LRRC1: variants seen among roughly 807,000 people sequenced by gnomAD.
LRRC1 encodes leucine rich repeat containing 1.
LRRC1 carries 28 observed loss-of-function variants against 69.9 expected under a neutral mutation model. The ratio of observed to expected loss-of-function variants is 0.40; its 90% CI spans 0.30 to 0.55. The LOEUF (loss-of-function observed/expected upper bound fraction) is 0.55, where lower values mean the gene tolerates loss of function less well. Among genes scored for constraint, LRRC1 ranks in the 20% least tolerant of loss-of-function variants. The pLI, the probability that LRRC1 is intolerant of heterozygous loss-of-function variation, is 0.47. For missense variants in LRRC1, 498 were observed against 609.0 expected (o/e 0.82, Z 1.92); for synonymous variants, 236 against 240.2 (o/e 0.98, Z 0.16).
chr6:53,832,862 T>C (rs920645076), intron 1 of LRRC1, among the ~76,000 whole-genome samples: 1 of 152,182 alleles, frequency 6.6e-6, no homozygotes, highest in South Asian at 2.1e-4. Flanking sequence ...TTTAATAAAA[T>C]AGGACTTATA....
intron 11 of LRRC1, among the ~76,000 whole-genome samples, chr6:53,914,664 C>T (rs1044281091): frequency 2.0e-5 from 3 of 152,292 alleles, no homozygotes; most frequent in South Asian, 4.1e-4. Context: ...CTAATTTCAG[C>T]ACCCTAAATG....
intron 2 of LRRC1, among the ~76,000 whole-genome samples, chr6:53,873,932 C>T (rs1562053961): frequency 6.6e-6 from 1 of 152,162 alleles, no homozygotes. Context: ...CTTTTCTCAG[C>T]CTTATAGACT....
chr6:53,883,315 C>T (rs1767362132), intron 4 of LRRC1, among the ~76,000 whole-genome samples: 2 of 152,328 alleles, frequency 1.3e-5, no homozygotes, highest in Middle Eastern at 3.4e-3. Context: ...GAAACAACCA[C>T]TCAGTAATTT....
chr6:53,859,481 G>A (rs1320831024), intron 2 of LRRC1, among the ~76,000 whole-genome samples: 1 of 152,184 alleles, frequency 6.6e-6, no homozygotes, highest in African/African-American at 2.4e-5. Context: ...TAGCATGACA[G>A]AACCTGAGCA....
At chr6:53,825,072 C>T (rs1297967622) in intron 1 of LRRC1, among the ~76,000 whole-genome samples, 1 of 152,236 alleles carries the variant, frequency 6.6e-6, no homozygotes, top group Non-Finnish European at 1.5e-5. Flanking sequence ...TTCCAAATCT[C>T]ATCACTAGCC....
At chr6:53,807,023 A>G (rs3001001) in intron 1 of LRRC1, among the ~76,000 whole-genome samples, 135,578 of 152,228 alleles carry the variant, frequency 0.89, 60,680 homozygotes, top group African/African-American at 0.98. Context: ...ACTTCCCTTT[A>G]TGTTGATTTT....
chr6:53,842,035 T>TGGGC, intron 1 of LRRC1, 75 bp from the exon 2 acceptor site: 8 of 899,388 alleles, frequency 8.9e-6, no homozygotes, highest in Non-Finnish European at 1.4e-5. Context: ...AGACATTGTT[T>TGGGC]TACATTTCAT....
At chr6:53,815,000 T>C (rs7739965) in intron 1 of LRRC1, among the ~76,000 whole-genome samples, 125,854 of 152,182 alleles carry the variant, frequency 0.83, 52,270 homozygotes, top group East Asian at 0.96. Flanking sequence ...CTGTCTTTCT[T>C]TGGCTGGTCA....
chr6:53,900,020 G>GTTTTTTTT (rs869246243), intron 8 of LRRC1, 129 bp downstream of exon 8: 4 of 190,432 alleles, frequency 2.1e-5, no homozygotes, highest in African/African-American at 1.4e-4. Context: ...TCTCCTTACT[G>GTTTTTTTT]TTTTTTTTTT....
chr6:53,844,394 C>T (rs1415279496), intron 2 of LRRC1, among the ~76,000 whole-genome samples: 1 of 152,192 alleles, frequency 6.6e-6, no homozygotes. Flanking sequence ...GGAAACCATA[C>T]AGCTCAAAAG....
chr6:53,833,349 A>G (rs1765485546), intron 1 of LRRC1, among the ~76,000 whole-genome samples: 1 of 152,164 alleles, frequency 6.6e-6, no homozygotes, highest in Non-Finnish European at 1.5e-5. Context: ...AGCTATTTTA[A>G]TTATGGGGGG....
intron 1 of LRRC1, among the ~76,000 whole-genome samples, chr6:53,837,836 G>A (rs1363172445): frequency 6.6e-6 from 1 of 152,224 alleles, no homozygotes; most frequent in Admixed American, 6.5e-5. Flanking sequence ...ATTAAAGGCT[G>A]TATCTACTAA....
chr6:53,864,777 A>T (rs1028239694), intron 2 of LRRC1, among the ~76,000 whole-genome samples: 1 of 152,022 alleles, frequency 6.6e-6, no homozygotes, highest in African/African-American at 2.4e-5. Context: ...TCCCCTTTGC[A>T]CTTTTCCTGA....
At position 53,795,073 on chromosome 6, in the gene LRRC1, G is replaced by A. The variant is rs1045774334; in HGVS notation, c.-184G>A. The A allele has an allele frequency of 7.8e-5, 43 of 552,588 alleles. No individual in the cohort carries two copies. Among genetic ancestry groups the A allele is most frequent in the Admixed American group, 1.5e-4 (4 of 26,992 alleles). 34.2% of individuals were successfully genotyped at this position (552,588 alleles called of 1,614,324 possible). The stretch of plus-strand genomic sequence containing the variant: ...GGCGGGGGTACAGGGACGGGGCAGG[G>A]GCTCCCGCTCCAGGTTCCTTGAAGC... On this transcript the variant is annotated 5_prime_UTR_variant, in exon 1 of 14. Transcript: ENST00000370888.
At chr6:53,913,348 C>G (rs1183279008) in intron 10 of LRRC1, among the ~76,000 whole-genome samples, 1 of 151,282 alleles carries the variant, frequency 6.6e-6, no homozygotes, top group Non-Finnish European at 1.5e-5. Flanking sequence ...TAAGATACCC[C>G]TCTTTTTGAA....
At chr6:53,809,636 A>G (rs1032302810) in intron 1 of LRRC1, among the ~76,000 whole-genome samples, 2 of 152,222 alleles carry the variant, frequency 1.3e-5, no homozygotes, top group African/African-American at 2.4e-5. Context: ...AAAAGTTTAT[A>G]TATTCTAAAA....
chr6:53,885,051 A>G (rs1417490623), intron 4 of LRRC1, among the ~76,000 whole-genome samples: 1 of 152,186 alleles, frequency 6.6e-6, no homozygotes, highest in Non-Finnish European at 1.5e-5. Context: ...AGAGTTTTCT[A>G]TTCTTGGTTG....
At chr6:53,867,528 AG>A (rs1766741422) in intron 2 of LRRC1, among the ~76,000 whole-genome samples, 1 of 152,262 alleles carries the variant, frequency 6.6e-6, no homozygotes, top group African/African-American at 2.4e-5. Flanking sequence ...AGAAAGTTGT[AG>A]GAAAAAGATT....
intron 1 of LRRC1, among the ~76,000 whole-genome samples, chr6:53,807,740 C>T (rs919830407): frequency 4.4e-5 from 5 of 113,904 alleles, no homozygotes; most frequent in Non-Finnish European, 7.4e-5. Context: ...AGTGAAACTC[C>T]GTGTCGTCAA....
Sources: gnomAD v4.1 joint callset for allele counts (sites outside exome capture counted in the v4.1 genomes callset) on GRCh38, gnomAD v4.1.1 for gene constraint, MANE v1.5 for transcripts, NCBI Gene and HGNC (gene_info 2026-07-23, HGNC 2026-07-21) for gene names.